PDE1C: variants seen among roughly 807,000 people sequenced by gnomAD.
PDE1C encodes dual specificity calcium/calmodulin-dependent 3',5'-cyclic nucleotide phosphodiesterase 1C.
In PDE1C, 62 loss-of-function variants were observed where a neutral mutation model predicts 93.1. The ratio of observed to expected loss-of-function variants is 0.67; its 90% CI spans 0.54 to 0.82. The LOEUF (loss-of-function observed/expected upper bound fraction) is 0.82, where lower values mean the gene tolerates loss of function less well. Ranked by LOEUF, PDE1C falls within the 40% of genes least tolerant of loss-of-function variation. The probability of loss-of-function intolerance (pLI) is 0.00; values close to 1 mark genes in which losing one functional copy is unlikely to be tolerated. For synonymous variants in PDE1C, 325 were observed against 310.1 expected (o/e 1.05, Z -0.50); for missense variants, 742 against 884.6 (o/e 0.84, Z 2.04).
intron 1 of PDE1C, among the ~76,000 whole-genome samples, chr7:32,378,723 T>C (rs1279001318): frequency 1.3e-5 from 2 of 152,112 alleles, no homozygotes; most frequent in Non-Finnish European, 2.9e-5. Context: ...CGCAGGAGGA[T>C]CATTTCCCAC....
At chr7:31,658,718 T>G in the PDE1C span, 1 of 161,964 alleles carries the variant, frequency 6.2e-6, no homozygotes, top group Non-Finnish European at 1.3e-5. Context: ...TTGCCTGATC[T>G]TAAAACATTG....
intron 2 of PDE1C, among the ~76,000 whole-genome samples, chr7:31,939,833 TA>T (rs1805578419): frequency 6.6e-6 from 1 of 152,134 alleles, no homozygotes; most frequent in South Asian, 2.1e-4. Flanking sequence ...TCTAGAAAGA[TA>T]AAGAATATTG....
rs1294705684 is a variant in PDE1C, at chr7:31,976,835, C to A, written c.128+74719G>T. Among the ~76,000 whole-genome samples, 13 of 152,198 alleles carry A rather than the reference C, an allele frequency of 8.5e-5. 1 individual carries two copies. Among genetic ancestry groups the A allele is most frequent in the Admixed American group, 8.5e-4 (13 of 15,272 alleles). On this transcript the variant is annotated intron_variant, in intron 2 of 17. Transcript: ENST00000396191. ...CGCCATGGACCCCATGATGCTTACA[C>A]CCTGGCCCTTGTCTGCCCCTTTATC...
intron 16 of PDE1C, among the ~76,000 whole-genome samples, chr7:31,804,115 G>T (rs1308599787): frequency 6.6e-6 from 1 of 151,764 alleles, no homozygotes; most frequent in Non-Finnish European, 1.5e-5. Context: ...TTGGGTGCTG[G>T]ATATTTTTGT....
At chr7:31,814,102 A>T in intron 15 of PDE1C, among the ~76,000 whole-genome samples, 1 of 151,834 alleles carries the variant, frequency 6.6e-6, no homozygotes, top group South Asian at 2.1e-4. Context: ...ACACACACAC[A>T]TATATCACAA....
At chr7:32,160,585 T>C (rs544439759) in intron 3 of PDE1C, among the ~76,000 whole-genome samples, 22 of 152,318 alleles carry the variant, frequency 1.4e-4, no homozygotes, top group Admixed American at 9.1e-4. Context: ...CTCACGCCTG[T>C]GATCCTGGCA....
At chr7:32,267,584 A>ACTCTCTCTCT (rs756476017) in intron 1 of PDE1C, among the ~76,000 whole-genome samples, 124 of 113,112 alleles carry the variant, frequency 1.1e-3, no homozygotes, top group African/African-American at 4.3e-3. Context: ...ACACACACAC[A>ACTCTCTCTCT]CACTCTCTCT....
intron 2 of PDE1C, among the ~76,000 whole-genome samples, chr7:31,940,567 G>T (rs1442825678): frequency 6.6e-6 from 1 of 152,112 alleles, no homozygotes; most frequent in South Asian, 2.1e-4. Flanking sequence ...AGAAGTAAAA[G>T]GGACAAAGGA....
chr7:31,922,671 G>A (rs901238126), intron 2 of PDE1C, among the ~76,000 whole-genome samples: 1 of 152,136 alleles, frequency 6.6e-6, no homozygotes, highest in South Asian at 2.1e-4. Flanking sequence ...TGGACAAAAT[G>A]TATGAACTGC....
chr7:31,874,674 G>A (rs1285629438), intron 5 of PDE1C, among the ~76,000 whole-genome samples: 1 of 152,232 alleles, frequency 6.6e-6, no homozygotes, highest in African/African-American at 2.4e-5. Flanking sequence ...CTTTTCCAGA[G>A]GGGTTTAAAT....
intron 2 of PDE1C, among the ~76,000 whole-genome samples, chr7:32,003,707 A>T (rs1785779317): frequency 6.6e-6 from 1 of 152,246 alleles, no homozygotes; most frequent in Non-Finnish European, 1.5e-5. Flanking sequence ...CTGCCTCTAC[A>T]GAGACTGTAG....
upstream of PDE1C, among the ~76,000 whole-genome samples, chr7:32,301,318 G>GA (rs1301346778): frequency 6.6e-6 from 1 of 151,684 alleles, no homozygotes; most frequent in African/African-American, 2.4e-5. Context: ...TCAAAAAAAA[G>GA]AAAAAAGAAA....
At chr7:31,651,493 G>A in the PDE1C span, among the ~76,000 whole-genome samples, 2 of 152,178 alleles carry the variant, frequency 1.3e-5, no homozygotes, top group African/African-American at 2.4e-5. Context: ...AAGACAGGCA[G>A]TCAGGGGCAT....
At chr7:32,011,879 T>A (rs2128588743) in intron 2 of PDE1C, among the ~76,000 whole-genome samples, 1 of 152,318 alleles carries the variant, frequency 6.6e-6, no homozygotes, top group South Asian at 2.1e-4. Flanking sequence ...CATATGAATG[T>A]TCTTAGCAAC....
upstream of PDE1C, chr7:32,070,453 G>A: frequency 6.3e-7 from 1 of 1,594,912 alleles, no homozygotes; most frequent in Non-Finnish European, 8.5e-7. Context: ...TCCCCTCCCC[G>A]TCTCCTCGCC....
intron 1 of PDE1C, among the ~76,000 whole-genome samples, chr7:32,313,174 C>A (rs1199586793): frequency 6.6e-6 from 1 of 152,110 alleles, no homozygotes; most frequent in East Asian, 1.9e-4. Context: ...CACTGGCCAT[C>A]AGAGAAATGC....
intron 3 of PDE1C, among the ~76,000 whole-genome samples, chr7:32,163,987 T>G (rs558140903): frequency 3.4e-4 from 52 of 152,318 alleles, no homozygotes; most frequent in African/African-American, 1.1e-3. Flanking sequence ...ACTGTTTGCA[T>G]GTGAAAAATG....
intron 3 of PDE1C, among the ~76,000 whole-genome samples, chr7:32,112,115 C>T (rs56008850): frequency 0.36 from 54,094 of 151,864 alleles, 10,180 homozygotes; most frequent in African/African-American, 0.47. Flanking sequence ...TTGAAGAGCA[C>T]GTGTCTCTCT....
intron 3 of PDE1C, among the ~76,000 whole-genome samples, chr7:32,122,374 G>A (rs1799348014): frequency 6.6e-6 from 1 of 152,162 alleles, no homozygotes; most frequent in Non-Finnish European, 1.5e-5. Context: ...GGACCTAATT[G>A]ACATCCACAG....
Sources: gnomAD v4.1 joint callset for allele counts (sites outside exome capture counted in the v4.1 genomes callset) on GRCh38, gnomAD v4.1.1 for gene constraint, MANE v1.5 for transcripts, NCBI Gene and HGNC (gene_info 2026-07-23, HGNC 2026-07-21) for gene names.